CSMD1: variants seen among roughly 807,000 people sequenced by gnomAD.
CSMD1 encodes the protein CUB and Sushi multiple domains 1.
A neutral mutation model predicts 417.5 loss-of-function variants in CSMD1; 213 were observed. The ratio of observed to expected loss-of-function variants is 0.51; its 90% CI spans 0.46 to 0.57. The LOEUF is 0.57. CSMD1 is among the 20% of genes least tolerant of loss of function. The probability of loss-of-function intolerance (pLI) is 0.00; values close to 1 mark genes in which losing one functional copy is unlikely to be tolerated. For synonymous variants in CSMD1, 2,862 were observed against 1,736.8 expected, an observed-to-expected ratio of 1.65 and a Z score of -16.11; for missense variants, 6,923 against 4,529.7, an observed-to-expected ratio of 1.53 and a Z score of -15.17.
intron 1 of CSMD1, among the ~76,000 whole-genome samples, chr8:4,866,233 G>C (rs912605136): frequency 2.6e-5 from 4 of 151,798 alleles, no homozygotes; most frequent in Admixed American, 2.0e-4. Context: ...AATGTACCAG[G>C]CTCTCTTGAA....
At chr8:4,211,013 T>G (rs1714712) in intron 3 of CSMD1, among the ~76,000 whole-genome samples, 18,638 of 152,092 alleles carry the variant, frequency 0.12, 1,307 homozygotes, top group Middle Eastern at 0.16. Context: ...CACAATGAAA[T>G]AAAAGTTTCA....
At chr8:3,895,594 C>G (rs1384363585) in intron 5 of CSMD1, among the ~76,000 whole-genome samples, 1 of 152,064 alleles carries the variant, frequency 6.6e-6, no homozygotes, top group African/African-American at 2.4e-5. Context: ...TTCTAATGCC[C>G]ATATATGTAC....
chr8:3,951,155 G>C lies in CSMD1; in HGVS notation c.818+46748C>G, dbSNP rs569526444. ...GTCTCAAAGTTGTTTGTTTTACAAAGACAGAAGTTTTGAAGCAAATTCCTG... is the reference window on the plus strand; with the variant it reads ...GTCTCAAAGTTGTTTGTTTTACAAACACAGAAGTTTTGAAGCAAATTCCTG... On this transcript the variant is annotated intron_variant, in intron 5 of 69. Coordinates refer to ENST00000635120, the MANE Select transcript of CSMD1 (RefSeq NM_033225.6). Among the ~76,000 whole-genome samples the C allele has an allele frequency of 2.6e-5, 4 of 152,276 alleles. No individual in the cohort carries two copies. The East Asian group carries it at 7.7e-4, about 29-fold the overall frequency.
intron 26 of CSMD1, among the ~76,000 whole-genome samples, chr8:3,248,726 C>G (rs1563184209): frequency 6.6e-6 from 1 of 151,978 alleles, no homozygotes; most frequent in Non-Finnish European, 1.5e-5. Flanking sequence ...TGCCAAACAG[C>G]TTTGACTAAC....
rs368957214 is a variant in CSMD1 at position 4,083,594 on chromosome 8, G to C, written c.416-51495C>G. On this transcript the variant is annotated intron_variant, in intron 3 of 69. Coordinates refer to ENST00000635120, the MANE Select transcript of CSMD1 (RefSeq NM_033225.6). ...TGACAAAAAGAAGAAATGGGGAAAG[G>C]ATTCCCTATTTAATTAATGGTGCTG... Among the ~76,000 whole-genome samples the C allele has an allele frequency of 1.4e-4, 22 of 152,242 alleles. No individual in the cohort carries two copies. The South Asian group carries it at 3.1e-3, about 21-fold the overall frequency.
At chr8:4,864,061 G>A (rs780294949) in intron 1 of CSMD1, among the ~76,000 whole-genome samples, 4 of 151,842 alleles carry the variant, frequency 2.6e-5, no homozygotes, top group African/African-American at 7.3e-5. Flanking sequence ...TTTTTGCCAT[G>A]TTACAAGTAA....
chr8:4,426,129 GAC>G (rs1233028061), intron 2 of CSMD1, among the ~76,000 whole-genome samples: 1 of 151,478 alleles, frequency 6.6e-6, no homozygotes, highest in African/African-American at 2.4e-5. Context: ...GTGACAGAGA[GAC>G]TGACATTAAT....
chr8:3,637,686 T>C (rs1044572978), intron 7 of CSMD1, among the ~76,000 whole-genome samples: 22 of 152,322 alleles, frequency 1.4e-4, no homozygotes, highest in Non-Finnish European at 1.2e-4. Flanking sequence ...GGATGACAAC[T>C]GAATTACCTC....
intron 1 of CSMD1, among the ~76,000 whole-genome samples, chr8:4,964,776 T>C (rs977222792): frequency 1.3e-5 from 2 of 152,184 alleles, no homozygotes; most frequent in Non-Finnish European, 2.9e-5. Flanking sequence ...ACTCATTTTG[T>C]GAATGAAATT....
At chr8:4,714,641 TTC>T (rs1293659047) in intron 1 of CSMD1, among the ~76,000 whole-genome samples, 1 of 36,738 alleles carries the variant, frequency 2.7e-5, no homozygotes, top group African/African-American at 1.1e-4. Flanking sequence ...CACAGGCCCT[TTC>T]CCCAGAAAGA....
chr8:3,940,825 C>A (rs908727357), intron 5 of CSMD1, among the ~76,000 whole-genome samples: 2 of 151,638 alleles, frequency 1.3e-5, no homozygotes, highest in South Asian at 2.1e-4. Context: ...TTAAAAACCA[C>A]AACTTAACCC....
intron 5 of CSMD1, among the ~76,000 whole-genome samples, chr8:3,807,094 G>C (rs1585027899): frequency 6.6e-6 from 1 of 152,080 alleles, no homozygotes; most frequent in Admixed American, 6.6e-5. Context: ...CCACGCACTG[G>C]GGGAAGGTTA....
At chr8:4,849,224 C>G (rs1004193663) in intron 1 of CSMD1, among the ~76,000 whole-genome samples, 5 of 151,740 alleles carry the variant, frequency 3.3e-5, no homozygotes, top group Non-Finnish European at 7.4e-5. Context: ...TAGAATAAAG[C>G]TATAAAGAAA....
Position 4,031,980 on chromosome 8 carries a change from C to T in CSMD1, c.535G>A (p.Gly179Ser), listed in dbSNP as rs1321074908. 2 of 1,613,982 alleles carry T rather than the reference C, an allele frequency of 1.2e-6. No homozygotes were observed. The highest frequency in any genetic ancestry group is 1.7e-6 in the Non-Finnish European group (2 of 1,179,894). ...YSCLPGYILE[G>S]HAILTCIVSP... is the part of the protein sequence containing the mutation. ...ACGATGCAGGTCAGGATGGCGTGGC[C>T]TTCCAAGATGTAGCCAGGGAGGCAG... The change falls in exon 4 of 70, where the codon GGC becomes AGC. Residue 179 changes from glycine (G) to serine (S), a missense_variant. Gly to Ser is a moderately conservative substitution (Grantham distance 56). Transcript: ENST00000635120.
intron 11 of CSMD1, chr8:3,469,155 T>G (rs982533061): frequency 2.9e-5 from 6 of 204,568 alleles, no homozygotes; most frequent in Non-Finnish European, 5.9e-5. Context: ...GGGACAGTCC[T>G]GGAAAAAATA....
At chr8:4,133,887 G>T (rs1039445071) in intron 3 of CSMD1, among the ~76,000 whole-genome samples, 1 of 152,060 alleles carries the variant, frequency 6.6e-6, no homozygotes, top group Non-Finnish European at 1.5e-5. Flanking sequence ...TTTTTTATAA[G>T]AAATCTTGTA....
chr8:3,337,654 C>A (rs772402794), intron 23 of CSMD1, among the ~76,000 whole-genome samples: 6 of 152,140 alleles, frequency 3.9e-5, no homozygotes, highest in Non-Finnish European at 7.4e-5. Flanking sequence ...TAAGCTCAAC[C>A]ATCTCAAAAT....
chr8:3,835,688 G>T (rs1438679619), intron 5 of CSMD1, among the ~76,000 whole-genome samples: 5 of 148,464 alleles, frequency 3.4e-5, no homozygotes, highest in South Asian at 4.2e-4. Flanking sequence ...TTGTGCACAT[G>T]TACCCTGAAA....
chr8:4,097,779 T>C (rs986590167), intron 3 of CSMD1, among the ~76,000 whole-genome samples: 1 of 152,142 alleles, frequency 6.6e-6, no homozygotes, highest in South Asian at 2.1e-4. Flanking sequence ...GTACGAACAT[T>C]AGTTTTAGCA....
Sources: gnomAD v4.1 joint callset for allele counts (sites outside exome capture counted in the v4.1 genomes callset) on GRCh38, gnomAD v4.1.1 for gene constraint, MANE v1.5 for transcripts, NCBI Gene and HGNC (gene_info 2026-07-23, HGNC 2026-07-21) for gene names.